The following GRM8 variants were observed in gnomAD, a reference collection of about 807,000 sequenced individuals.
GRM8 encodes glutamate metabotropic receptor 8, also known as metabotropic glutamate receptor 8.
Under a neutral mutation model 87.2 loss-of-function variants are expected in GRM8, and 47 were observed. The ratio of observed to expected loss-of-function variants is 0.54; its 90% CI spans 0.43 to 0.69. The LOEUF is 0.69. Among genes scored for constraint, GRM8 ranks in the 30% least tolerant of loss-of-function variants. The probability of loss-of-function intolerance (pLI) is 0.00; values close to 1 mark genes in which losing one functional copy is unlikely to be tolerated. For synonymous variants in GRM8, 396 were observed against 404.5 expected (o/e 0.98, Z 0.25); for missense variants, 1,019 against 1,139.2 (o/e 0.89, Z 1.52).
At chr7:126,891,159 T>A (rs1054781163) in intron 6 of GRM8, among the ~76,000 whole-genome samples, 5 of 152,100 alleles carry the variant, frequency 3.3e-5, no homozygotes, top group African/African-American at 1.2e-4. Context: ...AATCAAGGCA[T>A]CATCCATGAT....
At chr7:126,765,389 A>C (rs1012382654) in intron 7 of GRM8, among the ~76,000 whole-genome samples, 1 of 152,050 alleles carries the variant, frequency 6.6e-6, no homozygotes, top group African/African-American at 2.4e-5. Context: ...TAATTAAGCA[A>C]GTTTTAGTTG....
intron 7 of GRM8, among the ~76,000 whole-genome samples, chr7:126,758,018 T>C (rs1353213596): frequency 1.3e-5 from 2 of 152,140 alleles, no homozygotes; most frequent in Non-Finnish European, 2.9e-5. Context: ...TGGGAATAGA[T>C]GAATAACACC....
chr7:127,057,449 C>G (rs562823699), intron 3 of GRM8, among the ~76,000 whole-genome samples: 3 of 151,840 alleles, frequency 2.0e-5, no homozygotes, highest in Non-Finnish European at 4.4e-5. Context: ...TTTGTCCATA[C>G]AATATCCCTA....
At chr7:126,773,125 G>A (rs916788711) in intron 6 of GRM8, among the ~76,000 whole-genome samples, 1 of 151,874 alleles carries the variant, frequency 6.6e-6, no homozygotes. Flanking sequence ...AATGGCAGAG[G>A]GAAATCTAAC....
At chr7:126,780,730 C>T (rs59577029) in intron 6 of GRM8, among the ~76,000 whole-genome samples, 3,151 of 152,132 alleles carry the variant, frequency 0.021, 108 homozygotes, top group African/African-American at 0.072. Context: ...TGAGGCCTGA[C>T]GGGGGCAGGG....
intron 3 of GRM8, among the ~76,000 whole-genome samples, chr7:126,908,344 A>T (rs2131270629): frequency 6.6e-6 from 1 of 152,324 alleles, no homozygotes; most frequent in Admixed American, 6.5e-5. Flanking sequence ...AGGTAAGTTG[A>T]AGACTATGTA....
chr7:126,440,509 A>G (rs1478065821), intron 10 of GRM8, among the ~76,000 whole-genome samples: 3 of 151,714 alleles, frequency 2.0e-5, no homozygotes, highest in Admixed American at 2.0e-4. Flanking sequence ...GGCAACTTCT[A>G]GTCCTACAAG....
chr7:126,775,479 G>GTTTTTTTTTTTTTTTT (rs372733476), intron 6 of GRM8, among the ~76,000 whole-genome samples: 10 of 104,756 alleles, frequency 9.5e-5, no homozygotes, highest in African/African-American at 4.3e-4. Context: ...TGACAAATAG[G>GTTTTTTTTTTTTTTTT]TTTTTTTTTT....
intron 3 of GRM8, among the ~76,000 whole-genome samples, chr7:127,035,365 A>C (rs1025115900): frequency 6.6e-6 from 1 of 152,166 alleles, no homozygotes; most frequent in Non-Finnish European, 1.5e-5. Context: ...TTCGTGAAAC[A>C]TTTACTCAGG....
chr7:126,950,211 C>T (rs1471668961), intron 3 of GRM8, among the ~76,000 whole-genome samples: 1 of 152,172 alleles, frequency 6.6e-6, no homozygotes, highest in African/African-American at 2.4e-5. Flanking sequence ...TTTTGTTTCA[C>T]ACTTGATTAA....
chr7:126,891,315 ACT>A (rs756748199), intron 6 of GRM8, among the ~76,000 whole-genome samples: 2 of 151,948 alleles, frequency 1.3e-5, no homozygotes, highest in Non-Finnish European at 2.9e-5. Flanking sequence ...CTGGAAAATT[ACT>A]GTAGTATCTC....
chr7:126,983,720 C>A (rs1811763974), intron 3 of GRM8, among the ~76,000 whole-genome samples: 1 of 152,106 alleles, frequency 6.6e-6, no homozygotes, highest in Admixed American at 6.5e-5. Context: ...TTACCATGCC[C>A]TCTGATTAAG....
chr7:126,637,756 C>T (rs908624644), intron 7 of GRM8, among the ~76,000 whole-genome samples: 1 of 152,104 alleles, frequency 6.6e-6, no homozygotes, highest in East Asian at 1.9e-4. Context: ...CCCTTCTATG[C>T]TTAATCTATT....
intron 2 of GRM8, among the ~76,000 whole-genome samples, chr7:127,153,559 A>G (rs17869852): frequency 1.3e-5 from 2 of 152,098 alleles, no homozygotes; most frequent in African/African-American, 2.4e-5. Flanking sequence ...TGGTGACTTG[A>G]AAGAGTCACT....
chr7:126,885,798 C>G (rs1218194728), intron 6 of GRM8, among the ~76,000 whole-genome samples: 1 of 152,174 alleles, frequency 6.6e-6, no homozygotes, highest in African/African-American at 2.4e-5. Flanking sequence ...TTCTAGCTAT[C>G]TTCTACCTTC....
At chr7:127,105,496 C>T (rs6975798) in intron 3 of GRM8, 68,405 of 152,072 alleles carry the variant, frequency 0.45, 16,958 homozygotes, top group African/African-American at 0.67. Context: ...GAACATCCTA[C>T]TTCAATAACA....
At chr7:127,075,521 G>A (rs549344321) in intron 3 of GRM8, among the ~76,000 whole-genome samples, 10 of 152,174 alleles carry the variant, frequency 6.6e-5, no homozygotes, top group South Asian at 2.1e-4. Context: ...GCAGGGGGTC[G>A]GGGGGAGGTA....
intron 3 of GRM8, among the ~76,000 whole-genome samples, chr7:126,934,579 T>C (rs1356780011): frequency 1.3e-5 from 2 of 152,158 alleles, no homozygotes; most frequent in Non-Finnish European, 2.9e-5. Context: ...GTACCTGTAG[T>C]TAGGGTCAAA....
intron 1 of GRM8, among the ~76,000 whole-genome samples, chr7:127,248,076 T>C (rs970835699): frequency 2.0e-5 from 3 of 152,230 alleles, no homozygotes; most frequent in African/African-American, 7.2e-5. Context: ...AAAAAAAATC[T>C]GATTTAGGAG....
Sources: allele counts gnomAD v4.1 joint callset (sites outside exome capture counted in the v4.1 genomes callset), GRCh38; gene constraint gnomAD v4.1.1; transcripts MANE v1.5; gene names NCBI Gene and HGNC (gene_info 2026-07-23, HGNC 2026-07-21).